Variants in VWC2L observed in about 807,000 individuals in gnomAD.
VWC2L encodes the protein von Willebrand factor C domain containing 2 like, also known as von Willebrand factor C domain-containing protein 2-like.
In VWC2L, 10 loss-of-function variants were observed where a neutral mutation model predicts 21.6. The observed-to-expected ratio is 0.46, with a 90% CI of 0.29 to 0.78. The LOEUF is 0.78. Among genes scored for constraint, VWC2L ranks in the 30% least tolerant of loss-of-function variants. The pLI is 0.10. For missense variants in VWC2L, 209 were observed against 277.1 expected (o/e 0.75, Z 1.74); for synonymous variants, 96 against 94.3 (o/e 1.02, Z -0.10).
At chr2:214,508,980 T>TC (rs1342158491) in intron 3 of VWC2L, among the ~76,000 whole-genome samples, 2 of 152,080 alleles carry the variant, frequency 1.3e-5, no homozygotes, top group African/African-American at 4.8e-5. Flanking sequence ...GCCTTGCCTT[T>TC]CCTTGTCTTT....
chr2:214,575,896 C>T lies in VWC2L; in HGVS notation c.*76C>T. ...AACACTGCACATGTTTAACACAAAA[C>T]AAAACAAACAAACTCCTGCCAGCTA... On this transcript the variant is annotated 3_prime_UTR_variant, in exon 4 of 4. Transcript: ENST00000312504. The T allele has an allele frequency of 6.8e-7, 1 of 1,475,856 alleles. No individual in the cohort carries two copies. The highest frequency in any genetic ancestry group is 2.1e-5 in the Admixed American group (1 of 47,564). 91.4% of individuals were successfully genotyped at this position (1,475,856 alleles called of 1,614,324 possible). A position where few individuals can be genotyped will look rare whatever the true frequency, so the allele number is the denominator to read the frequency against.
intron 3 of VWC2L, among the ~76,000 whole-genome samples, chr2:214,447,282 G>A (rs1259304844): frequency 6.6e-6 from 1 of 152,092 alleles, no homozygotes. Context: ...CTCAGTCTCA[G>A]GAGTGGTGAG....
intron 2 of VWC2L, among the ~76,000 whole-genome samples, chr2:214,418,196 C>T (rs186108827): frequency 5.9e-5 from 9 of 152,310 alleles, no homozygotes; most frequent in Admixed American, 6.5e-5. Flanking sequence ...TATGTTCCCA[C>T]GGCCTGCTAT....
At chr2:214,541,649 A>T (rs1689629435) in intron 3 of VWC2L, among the ~76,000 whole-genome samples, 1 of 152,128 alleles carries the variant, frequency 6.6e-6, no homozygotes, top group Non-Finnish European at 1.5e-5. Context: ...GTTAGGTAGG[A>T]CCTTGGGCAA....
chr2:214,548,427 T>C (rs1202973710), intron 3 of VWC2L, among the ~76,000 whole-genome samples: 3 of 152,238 alleles, frequency 2.0e-5, no homozygotes, highest in African/African-American at 2.4e-5. Context: ...AGCCAGGACT[T>C]ACAATTCATA....
At chr2:214,475,164 G>A (rs75257706) in intron 3 of VWC2L, among the ~76,000 whole-genome samples, 7,453 of 152,102 alleles carry the variant, frequency 0.049, 568 homozygotes, top group African/African-American at 0.17. Context: ...GTACCTCAAC[G>A]GGACATTAAA....
rs114580142 is a variant in VWC2L at position 214,505,100 on chromosome 2, T to C, written c.520+68342T>C. Among the ~76,000 whole-genome samples, 809 of 152,348 alleles carry C rather than the reference T, an allele frequency of 5.3e-3. 7 individuals carry two copies. The highest frequency in any genetic ancestry group is 0.018 in the African/African-American group (767 of 41,576). On this transcript the variant is annotated intron_variant, in intron 3 of 3. Coordinates refer to ENST00000312504, the MANE Select transcript of VWC2L (RefSeq NM_001080500.4). ...TTCTTTTCTCAAGGACAGTGTTGAT[T>C]TAATTGGAAAGAACTGTGTTCTCGT...
chr2:214,433,619 T>C (rs1702635174), intron 2 of VWC2L, among the ~76,000 whole-genome samples: 1 of 152,202 alleles, frequency 6.6e-6, no homozygotes, highest in Non-Finnish European at 1.5e-5. Context: ...TAAAGATTTA[T>C]CCAAAGTACC....
intron 3 of VWC2L, among the ~76,000 whole-genome samples, chr2:214,490,837 G>A (rs1473059881): frequency 6.6e-6 from 1 of 152,132 alleles, no homozygotes; most frequent in East Asian, 1.9e-4. Context: ...GTAAGGAATT[G>A]GTGTCAATGT....
At chr2:214,556,448 AT>A (rs1297964873) in intron 3 of VWC2L, among the ~76,000 whole-genome samples, 1 of 152,110 alleles carries the variant, frequency 6.6e-6, no homozygotes, top group Non-Finnish European at 1.5e-5. Context: ...GCTTCTTATA[AT>A]TTCTCTTTTT....
chr2:214,529,832 G>T (rs778893497), intron 3 of VWC2L, among the ~76,000 whole-genome samples: 1 of 152,062 alleles, frequency 6.6e-6, no homozygotes, highest in Non-Finnish European at 1.5e-5. Flanking sequence ...TCATCTATGC[G>T]CATCTGTTCA....
chr2:214,500,985 A>G (rs529994870), intron 3 of VWC2L, among the ~76,000 whole-genome samples: 1 of 152,326 alleles, frequency 6.6e-6, no homozygotes, highest in Middle Eastern at 3.4e-3. Context: ...AAGCCTATAA[A>G]CAGCATCTCT....
chr2:214,557,033 C>T (rs963221589), intron 3 of VWC2L, among the ~76,000 whole-genome samples: 2 of 152,142 alleles, frequency 1.3e-5, no homozygotes, highest in Non-Finnish European at 1.5e-5. Flanking sequence ...GGAAACAGTG[C>T]GGGGTTGGGG....
intron 3 of VWC2L, among the ~76,000 whole-genome samples, chr2:214,559,541 T>C (rs577604661): frequency 4.6e-5 from 7 of 152,220 alleles, no homozygotes; most frequent in African/African-American, 1.7e-4. Context: ...CTTGGACTTC[T>C]ACACTAGATT....
intron 3 of VWC2L, among the ~76,000 whole-genome samples, chr2:214,441,194 A>G (rs188630926): frequency 1.7e-3 from 258 of 152,302 alleles, no homozygotes; most frequent in African/African-American, 5.8e-3. Flanking sequence ...TGAGCCATGC[A>G]CAATAAGAAA....
intron 2 of VWC2L, among the ~76,000 whole-genome samples, chr2:214,418,847 T>C (rs922118800): frequency 1.3e-5 from 2 of 152,250 alleles, no homozygotes; most frequent in African/African-American, 4.8e-5. Context: ...TCTCTTATGA[T>C]AAGACTGCCT....
chr2:214,558,772 A>G (rs1239744788), intron 3 of VWC2L, among the ~76,000 whole-genome samples: 1 of 152,000 alleles, frequency 6.6e-6, no homozygotes, highest in African/African-American at 2.4e-5. Context: ...TCGTGGTTGC[A>G]ATTGCACCTT....
At chr2:214,429,817 T>C (rs772171323) in intron 2 of VWC2L, among the ~76,000 whole-genome samples, 24 of 151,984 alleles carry the variant, frequency 1.6e-4, no homozygotes, top group Non-Finnish European at 3.4e-4. Context: ...AATTTTATTT[T>C]ATTTTTTATT....
intron 3 of VWC2L, 124 bp from the exon 4 acceptor site, chr2:214,575,548 T>C: frequency 9.7e-7 from 1 of 1,029,456 alleles, no homozygotes; most frequent in Non-Finnish European, 1.4e-6. Flanking sequence ...GAAAATTCCT[T>C]GATGATAAGT....
Sources: allele counts gnomAD v4.1 joint callset (sites outside exome capture counted in the v4.1 genomes callset), GRCh38; gene constraint gnomAD v4.1.1; transcripts MANE v1.5; gene names NCBI Gene and HGNC (gene_info 2026-07-23, HGNC 2026-07-21).